Variants in SLC35G1 observed in about 807,000 individuals in gnomAD.
SLC35G1 encodes the protein solute carrier family 35 member G1, also known as partner of STIM1.
A neutral mutation model predicts 17.1 loss-of-function variants in SLC35G1; 10 were observed. That is an observed-to-expected ratio of 0.59 (90% CI 0.36 to 0.99). The LOEUF is 0.99. SLC35G1 is among the 50% of genes least tolerant of loss of function. The pLI, the probability that SLC35G1 is intolerant of heterozygous loss-of-function variation, is 0.01. For missense variants in SLC35G1, 433 were observed against 468.4 expected, an observed-to-expected ratio of 0.92 and a Z score of 0.70; for synonymous variants, 185 against 181.1, an observed-to-expected ratio of 1.02 and a Z score of -0.18.
Position 93,894,205 on chromosome 10 carries a change from G to C in SLC35G1, c.172G>C (p.Glu58Gln), listed in dbSNP as rs2060306735. 7.2e-7 allele frequency: 1 copy of C among 1,390,502 alleles called. No individual in the cohort carries two copies. The highest frequency in any genetic ancestry group is 9.3e-7 in the Non-Finnish European group (1 of 1,074,468). The allele number at this position is 1,390,502 out of a possible 1,614,324, so 86.1% of individuals were successfully genotyped here. A position where few individuals can be genotyped will look rare whatever the true frequency, so the allele number is the denominator to read the frequency against. Reference protein sequence around the residue: ...CLSSPCCSRTEPEAKKKAPCP... With the variant: ...CLSSPCCSRTQPEAKKKAPCP... Reference sequence around the variant, plus strand: ...TTCCTCGCCGTGTTGCTCCCGCACCGAGCCGGGTGAGTGCGCGGTGTGGAT... The same window carrying C: ...TTCCTCGCCGTGTTGCTCCCGCACCCAGCCGGGTGAGTGCGCGGTGTGGAT... The change falls in exon 1 of 3, where the codon GAG becomes CAG. Residue 58 changes from glutamate (E) to glutamine (Q), a missense_variant. Glu to Gln is a conservative substitution (Grantham distance 29, BLOSUM62 2). Transcript: ENST00000427197.
In SLC35G1 at chr10:93,901,555, G is replaced by A. The variant is rs538725156; in HGVS notation, c.*65G>A. 1.3e-5 allele frequency: 19 copies of A among 1,477,860 alleles called. No homozygotes were observed. The highest frequency in any genetic ancestry group is 9.7e-5 in the Admixed American group (4 of 41,040). 91.5% of individuals were successfully genotyped at this position (1,477,860 alleles called of 1,614,324 possible). A position where few individuals can be genotyped will look rare whatever the true frequency, so the allele number is the denominator to read the frequency against. ...ATCACCTAATTCACATACAGCATACGCACACATCTGGAAAATCTGCATTTT... is the reference window on the plus strand; with the variant it reads ...ATCACCTAATTCACATACAGCATACACACACATCTGGAAAATCTGCATTTT... On this transcript the variant is annotated 3_prime_UTR_variant, in exon 3 of 3. Transcript: ENST00000427197.
At position 93,901,613 on chromosome 10, in the gene SLC35G1, G is replaced by A; in HGVS notation, c.*123G>A. On this transcript the variant is annotated 3_prime_UTR_variant, in exon 3 of 3. Transcript: ENST00000427197. ...GGTTGTATTTAATAAATTGCCTAAAGTACCATTTTTGAATATAGTATGTCT... is the reference window on the plus strand; with the variant it reads ...GGTTGTATTTAATAAATTGCCTAAAATACCATTTTTGAATATAGTATGTCT... 1 of 1,153,650 alleles carries A rather than the reference G, an allele frequency of 8.7e-7. No individual in the cohort carries two copies. 71.5% of individuals were successfully genotyped at this position (1,153,650 alleles called of 1,614,324 possible).
chr10:93,901,437 G>A lies in SLC35G1; in HGVS notation c.1045G>A (p.Val349Ile). Residue 349 changes from valine (V) to isoleucine (I), a missense_variant, in exon 3 of 3, where the codon GTA (valine) becomes ATA (isoleucine). Val to Ile is a conservative substitution (Grantham distance 29). Coordinates refer to ENST00000427197, the MANE Select transcript of SLC35G1 (RefSeq NM_001134658.3). The part of the protein sequence containing the change: ...WWTVGGALCV[V>I]ASNVGAAIRK... ...GACAGTGGGTGGTGCTCTCTGCGTAGTAGCCAGTAATGTTGGAGCGGCCAT... is the reference window on the plus strand; with the variant it reads ...GACAGTGGGTGGTGCTCTCTGCGTAATAGCCAGTAATGTTGGAGCGGCCAT... 6.2e-7 allele frequency: 1 copy of A among 1,611,080 alleles called. No individual in the cohort carries two copies. The highest frequency in any genetic ancestry group is 1.1e-5 in the South Asian group (1 of 90,144).
downstream of SLC35G1, among the ~76,000 whole-genome samples, chr10:93,904,100 T>C (rs1276037636): frequency 1.3e-5 from 2 of 152,218 alleles, no homozygotes; most frequent in East Asian, 1.9e-4. Flanking sequence ...CTCTGTACTT[T>C]TTGTTCCTGT....
At chr10:93,899,356 A>G (rs963340941) in intron 2 of SLC35G1, among the ~76,000 whole-genome samples, 1 of 152,114 alleles carries the variant, frequency 6.6e-6, no homozygotes, top group Non-Finnish European at 1.5e-5. Flanking sequence ...GTAACAGTAT[A>G]TGAAAATTGT....
At position 93,896,982 on chromosome 10, in the gene SLC35G1, C is replaced by T. The variant is rs74153434; in HGVS notation, c.179-1589C>T. On this transcript the variant is annotated intron_variant, in intron 1 of 2. Coordinates refer to ENST00000427197, the MANE Select transcript of SLC35G1 (RefSeq NM_001134658.3). The stretch of plus-strand genomic sequence containing the variant: ...AATTCTGAAATTTCAGAGGCCAGAC[C>T]CTAAGGCTGACCACAGCCAAGGCAT... Among the ~76,000 whole-genome samples the T allele has an allele frequency of 6.8e-3, 1,027 of 152,096 alleles. 10 individuals are homozygous for T. The highest frequency in any genetic ancestry group is 0.024 in the African/African-American group (986 of 41,484).
rs983883592 is a variant in SLC35G1, at chr10:93,902,391, C to T, written c.*901C>T. On this transcript the variant is annotated 3_prime_UTR_variant, in exon 3 of 3. Coordinates refer to ENST00000427197, the MANE Select transcript of SLC35G1 (RefSeq NM_001134658.3). ...GAAATGTGATTTTCTATAAATTCCC[C>T]TTGAATTTATAGTGTGATGCCAAAT... 6.6e-6 allele frequency: 1 copy of T among 152,462 alleles called. No individual in the cohort carries two copies. Among genetic ancestry groups the T allele is most frequent in the African/African-American group, 2.4e-5 (1 of 41,400 alleles). The allele number at this position is 152,462 out of a possible 1,614,324, so 9.4% of individuals were successfully genotyped here. A position where few individuals can be genotyped will look rare whatever the true frequency, so the allele number is the denominator to read the frequency against.
chr10:93,901,503 G>T lies in SLC35G1; in HGVS notation c.*13G>T. The T allele has an allele frequency of 6.4e-7, 1 of 1,566,716 alleles. No individual in the cohort carries two copies. On this transcript the variant is annotated 3_prime_UTR_variant, in exon 3 of 3. Transcript: ENST00000427197. Reference sequence around the variant, plus strand: ...AAGTTCCAAATGAAGCATCATTGCTGAAATACATATTTTTTTCAAGTACAC... The same window carrying T: ...AAGTTCCAAATGAAGCATCATTGCTTAAATACATATTTTTTTCAAGTACAC...
chr10:93,901,134 TC>T lies in SLC35G1; in HGVS notation c.743del (p.Ser248LeufsTer6), dbSNP rs1334278621. ...AGTTATCCTAAGAAAAATGGGAAAA[TC>T]TGTGGACTACTTTCTGAGCATTTGG... ...TLVILRKMGK[S>X]VDYFLSIWYY... On this transcript the variant is annotated frameshift_variant, in exon 3 of 3. Coordinates refer to ENST00000427197, the MANE Select transcript of SLC35G1 (RefSeq NM_001134658.3). LOFTEE classifies it low-confidence loss of function (END_TRUNC). 6.2e-7 allele frequency: 1 copy of T among 1,614,050 alleles called. No homozygotes were observed. Among genetic ancestry groups the T allele is most frequent in the South Asian group, 1.1e-5 (1 of 91,080 alleles).
intron 2 of SLC35G1, 118 bp downstream of exon 2, chr10:93,898,869 C>T (rs891585600): frequency 2.0e-6 from 2 of 993,628 alleles, no homozygotes; most frequent in Admixed American, 6.4e-5. Context: ...TTCCTATGCC[C>T]CTTGGCTCTG....
chr10:93,908,023 C>T (rs971829267), downstream of SLC35G1: 2 of 152,266 alleles, frequency 1.3e-5, no homozygotes, highest in Middle Eastern at 6.8e-3. Flanking sequence ...TCTTTTGCCT[C>T]ATAGAGTCTG....
At position 93,894,105 on chromosome 10, in the gene SLC35G1, C is replaced by T; in HGVS notation, c.72C>T (p.Pro24=). 1 of 1,489,696 alleles carries T rather than the reference C, an allele frequency of 6.7e-7. No homozygotes were observed. The highest frequency in any genetic ancestry group is 8.9e-7 in the Non-Finnish European group (1 of 1,127,356). The allele number at this position is 1,489,696 out of a possible 1,614,324, so 92.3% of individuals were successfully genotyped here. The part of the protein sequence containing the change: ...EPGLPLTDDA[P]PGATEEPAAA... ...GGCTGCCGCTAACGGACGATGCACCCCCGGGCGCCACTGAGGAGCCGGCGG... is the reference window on the plus strand; with the variant it reads ...GGCTGCCGCTAACGGACGATGCACCTCCGGGCGCCACTGAGGAGCCGGCGG... Residue 24 remains proline, a synonymous_variant, in exon 1 of 3, where the codon CCC becomes CCT. Coordinates refer to ENST00000427197, the MANE Select transcript of SLC35G1 (RefSeq NM_001134658.3).
chr10:93,897,124 G>C (rs1179915092), intron 1 of SLC35G1, among the ~76,000 whole-genome samples: 4 of 152,108 alleles, frequency 2.6e-5, no homozygotes, highest in Non-Finnish European at 5.9e-5. Context: ...TGAGGATTCT[G>C]GCATCTTAAG....
In SLC35G1 at chr10:93,900,971, A is replaced by T; in HGVS notation, c.579A>T (p.Thr193=). ...GGGATGCTCTTTTCACCGTGTTCAC[A>T]ATCACTGGAGTGATCCTTATCGTGA... ...SPWDALFTVF[T]ITGVILIVRP... is the part of the protein sequence containing the mutation. The change falls in exon 3 of 3, where the codon ACA becomes ACT. Residue 193 remains threonine, a synonymous_variant. Coordinates refer to ENST00000427197, the MANE Select transcript of SLC35G1 (RefSeq NM_001134658.3). 2 of 1,614,112 alleles carry T rather than the reference A, an allele frequency of 1.2e-6. No individual in the cohort carries two copies. The highest frequency in any genetic ancestry group is 2.2e-5 in the East Asian group (1 of 44,882).
At position 93,893,981 on chromosome 10, in the gene SLC35G1, C is replaced by G. The variant is rs958573231; in HGVS notation, c.-53C>G. The G allele has an allele frequency of 4.4e-5, 57 of 1,306,306 alleles. No individual in the cohort carries two copies. Among genetic ancestry groups the G allele is most frequent in the Non-Finnish European group, 4.8e-5 (49 of 1,024,230 alleles). 80.9% of individuals were successfully genotyped at this position (1,306,306 alleles called of 1,614,324 possible). On this transcript the variant is annotated 5_prime_UTR_variant, in exon 1 of 3. Coordinates refer to ENST00000427197, the MANE Select transcript of SLC35G1 (RefSeq NM_001134658.3). ...CCCGCCGGAAGAGCGGCAGCCCAGG[C>G]GCTGCTGCTGGCGCCAGACGGCACC...
intron 1 of SLC35G1, among the ~76,000 whole-genome samples, chr10:93,897,010 A>AT (rs1023649749): frequency 2.6e-5 from 4 of 152,146 alleles, no homozygotes; most frequent in African/African-American, 9.7e-5. Context: ...CAAGGCATGT[A>AT]TTTTGTGGTG....
In SLC35G1 at chr10:93,900,863, T is replaced by C. The variant is rs2060376067; in HGVS notation, c.471T>C (p.Ala157=). 2 of 1,614,034 alleles carry C rather than the reference T, an allele frequency of 1.2e-6. No individual in the cohort carries two copies. The highest frequency in any genetic ancestry group is 2.7e-5 in the African/African-American group (2 of 74,930). The change falls in exon 3 of 3, where the codon GCT becomes GCC. Residue 157 remains alanine, a synonymous_variant. Transcript: ENST00000427197. ...IYYAYQTMSL[A]DATVITFSSP... Reference sequence around the variant, plus strand: ...ATGCTTACCAGACAATGTCCCTCGCTGATGCCACAGTTATCACGTTTAGCA... The same window carrying C: ...ATGCTTACCAGACAATGTCCCTCGCCGATGCCACAGTTATCACGTTTAGCA...
At chr10:93,908,458 G>C (rs1248804568), downstream of SLC35G1, 1 of 152,260 alleles carries the variant, frequency 6.6e-6, no homozygotes, top group Non-Finnish European at 1.5e-5. Flanking sequence ...GTAGAATGCA[G>C]AACAGGGAGT....
Position 93,898,689 on chromosome 10 carries a change from G to T in SLC35G1, c.297G>T (p.Glu99Asp). The T allele has an allele frequency of 6.2e-7, 1 of 1,613,526 alleles. No individual in the cohort carries two copies. Among genetic ancestry groups the T allele is most frequent in the South Asian group, 1.1e-5 (1 of 90,960 alleles). Residue 99 changes from glutamate (E) to aspartate (D), a missense_variant, in exon 2 of 3, where the codon GAG (glutamate) becomes GAT (aspartate). Physicochemically the swap from Glu to Asp is conservative, Grantham distance 45. Transcript: ENST00000427197. ...VKKVQDVHAV[E>D]ISAFRCVFQM... Reference sequence around the variant, plus strand: ...AAGTGCAAGACGTCCATGCTGTAGAGATTAGTGCGTTTCGATGTGTGTTCC... The same window carrying T: ...AAGTGCAAGACGTCCATGCTGTAGATATTAGTGCGTTTCGATGTGTGTTCC...
Sources: allele counts gnomAD v4.1 joint callset (sites outside exome capture counted in the v4.1 genomes callset), GRCh38; gene constraint gnomAD v4.1.1; transcripts MANE v1.5; gene names NCBI Gene and HGNC (gene_info 2026-07-23, HGNC 2026-07-21).